The following SPOCK3 variants were observed in gnomAD, a reference collection of about 807,000 sequenced individuals.
SPOCK3 encodes the protein SPARC (osteonectin), cwcv and kazal like domains proteoglycan 3, also known as testican-3.
SPOCK3 carries 30 observed loss-of-function variants against 56.6 expected under a neutral mutation model. The ratio of observed to expected loss-of-function variants is 0.53; its 90% CI spans 0.40 to 0.72. The LOEUF is 0.72. Among genes scored for constraint, SPOCK3 ranks in the 30% least tolerant of loss-of-function variants. SPOCK3 has a pLI of 0.00. For missense variants in SPOCK3, 527 were observed against 530.0 expected (o/e 0.99, Z 0.06); for synonymous variants, 196 against 183.3 (o/e 1.07, Z -0.56).
chr4:166,939,413 T>C (rs1740805822), intron 4 of SPOCK3, among the ~76,000 whole-genome samples: 1 of 151,856 alleles, frequency 6.6e-6, no homozygotes, highest in Non-Finnish European at 1.5e-5. Context: ...AACAAAGCAA[T>C]AAAAACAGAT....
chr4:167,215,623 T>C (rs561209498), intron 2 of SPOCK3, among the ~76,000 whole-genome samples: 1 of 152,082 alleles, frequency 6.6e-6, no homozygotes, highest in Non-Finnish European at 1.5e-5. Context: ...GAAGAATGCA[T>C]GAAAGAGGAA....
intron 6 of SPOCK3, among the ~76,000 whole-genome samples, chr4:166,856,653 A>G (rs990562248): frequency 6.6e-6 from 1 of 152,016 alleles, no homozygotes; most frequent in Non-Finnish European, 1.5e-5. Context: ...ATGTGCCTGT[A>G]GACCCAGCTA....
At chr4:167,095,481 A>G (rs1759071459) in intron 2 of SPOCK3, among the ~76,000 whole-genome samples, 1 of 152,040 alleles carries the variant, frequency 6.6e-6, no homozygotes, top group Admixed American at 6.6e-5. Context: ...TACAAAAATT[A>G]GAGCAGAAAT....
chr4:166,832,842 G>C (rs1746219581), intron 6 of SPOCK3, among the ~76,000 whole-genome samples: 1 of 152,142 alleles, frequency 6.6e-6, no homozygotes, highest in African/African-American at 2.4e-5. Flanking sequence ...ATAAGTGGGA[G>C]GTAAATACTG....
intron 2 of SPOCK3, among the ~76,000 whole-genome samples, chr4:167,218,264 C>A (rs371289259): frequency 6.6e-6 from 1 of 152,050 alleles, no homozygotes; most frequent in East Asian, 1.9e-4. Flanking sequence ...GTCTGAGATC[C>A]CCAGTAAACA....
intron 2 of SPOCK3, among the ~76,000 whole-genome samples, chr4:167,121,778 A>G (rs948930156): frequency 6.6e-6 from 1 of 152,192 alleles, no homozygotes; most frequent in African/African-American, 2.4e-5. Context: ...TTGTCAAAAT[A>G]TAATTGCTTT....
intron 2 of SPOCK3, among the ~76,000 whole-genome samples, chr4:167,066,779 T>C (rs1036024858): frequency 1.3e-5 from 2 of 151,934 alleles, no homozygotes; most frequent in Non-Finnish European, 2.9e-5. Flanking sequence ...TAAATTTCTA[T>C]TTTCTTATAA....
At chr4:166,951,987 G>C (rs990887087) in intron 4 of SPOCK3, among the ~76,000 whole-genome samples, 2 of 151,980 alleles carry the variant, frequency 1.3e-5, no homozygotes, top group African/African-American at 4.8e-5. Flanking sequence ...TACTGAATGG[G>C]CAAAAACTGG....
At chr4:167,030,527 T>A (rs759587244) in intron 3 of SPOCK3, among the ~76,000 whole-genome samples, 1 of 151,996 alleles carries the variant, frequency 6.6e-6, no homozygotes, top group Non-Finnish European at 1.5e-5. Flanking sequence ...GGCAAGAAAA[T>A]GACATTCTGT....
chr4:166,795,600 G>GA (rs1464788570), intron 6 of SPOCK3, among the ~76,000 whole-genome samples: 3 of 151,804 alleles, frequency 2.0e-5, no homozygotes, highest in Admixed American at 6.6e-5. Context: ...TGCCAAATTA[G>GA]AAAGTTTAAA....
At chr4:167,031,915 A>C (rs937829805) in intron 3 of SPOCK3, among the ~76,000 whole-genome samples, 1 of 152,012 alleles carries the variant, frequency 6.6e-6, no homozygotes, top group Non-Finnish European at 1.5e-5. Context: ...AGGGGTAGCA[A>C]TGTTATTAAT....
chr4:166,854,866 A>C (rs1008249174), intron 6 of SPOCK3, among the ~76,000 whole-genome samples: 4 of 152,276 alleles, frequency 2.6e-5, no homozygotes, highest in African/African-American at 9.6e-5. Context: ...AAGTGCTAGG[A>C]AAGTTCTTTC....
chr4:166,999,848 G>T (rs530787949), intron 4 of SPOCK3, among the ~76,000 whole-genome samples: 4 of 151,986 alleles, frequency 2.6e-5, no homozygotes, highest in Non-Finnish European at 4.4e-5. Flanking sequence ...AGCATCCACC[G>T]AATAGATACA....
intron 6 of SPOCK3, among the ~76,000 whole-genome samples, chr4:166,810,649 C>A (rs888945729): frequency 3.7e-4 from 56 of 151,926 alleles, no homozygotes; most frequent in African/African-American, 1.4e-3. Flanking sequence ...GGAATTCATC[C>A]AGCTTTGTGG....
At chr4:167,061,011 A>G (rs1299245519) in intron 3 of SPOCK3, among the ~76,000 whole-genome samples, 2 of 152,118 alleles carry the variant, frequency 1.3e-5, no homozygotes, top group Non-Finnish European at 2.9e-5. Flanking sequence ...TCTGATAAAC[A>G]TAATATTTTT....
In SPOCK3 at chr4:166,734,345, A is replaced by T. The variant is rs1245149087; in HGVS notation, c.*576T>A. On this transcript the variant is annotated 3_prime_UTR_variant, in exon 11 of 11. Coordinates refer to ENST00000357545, the MANE Select transcript of SPOCK3 (RefSeq NM_001040159.2). ...TAAAATGTCCTATTAGATCCAGAATAATTTCATAGGTAAAAACACCACTAT... is the reference window on the plus strand; with the variant it reads ...TAAAATGTCCTATTAGATCCAGAATTATTTCATAGGTAAAAACACCACTAT... 1 of 151,912 alleles carries T rather than the reference A, an allele frequency of 6.6e-6. No homozygotes were observed. Among genetic ancestry groups the T allele is most frequent in the Non-Finnish European group, 1.5e-5 (1 of 67,842 alleles). 9.4% of individuals were successfully genotyped at this position (151,912 alleles called of 1,614,324 possible).
chr4:167,047,983 G>A (rs1753872545), intron 3 of SPOCK3, among the ~76,000 whole-genome samples: 1 of 152,122 alleles, frequency 6.6e-6, no homozygotes, highest in African/African-American at 2.4e-5. Flanking sequence ...AAGGGAGGCA[G>A]AGATTGCAGT....
At chr4:166,980,412 G>C (rs1353714562) in intron 4 of SPOCK3, among the ~76,000 whole-genome samples, 1 of 152,212 alleles carries the variant, frequency 6.6e-6, no homozygotes, top group African/African-American at 2.4e-5. Flanking sequence ...AGTGTCACAG[G>C]ATCCTTTGGG....
At chr4:167,200,480 A>C (rs1376282324) in intron 2 of SPOCK3, among the ~76,000 whole-genome samples, 1 of 152,056 alleles carries the variant, frequency 6.6e-6, no homozygotes, top group South Asian at 2.1e-4. Context: ...TCCATCAGCC[A>C]CTAGATACAC....
Sources: gnomAD v4.1 joint callset for allele counts (sites outside exome capture counted in the v4.1 genomes callset) on GRCh38, gnomAD v4.1.1 for gene constraint, MANE v1.5 for transcripts, NCBI Gene and HGNC (gene_info 2026-07-23, HGNC 2026-07-21) for gene names.